FAM135B: variants seen among roughly 807,000 people sequenced by gnomAD.
The protein encoded by FAM135B is protein FAM135B.
FAM135B carries 43 observed loss-of-function variants against 127.7 expected under a neutral mutation model. That is an observed-to-expected ratio of 0.34 (90% CI 0.26 to 0.43). The LOEUF is 0.43. Among genes scored for constraint, FAM135B ranks in the 20% least tolerant of loss-of-function variants. The pLI is 1.00. For synonymous variants in FAM135B, 670 were observed against 665.1 expected (o/e 1.01, Z -0.11); for missense variants, 1,558 against 1,725.6 (o/e 0.90, Z 1.72).
At chr8:138,406,795 C>A (rs960247940) in intron 1 of FAM135B, among the ~76,000 whole-genome samples, 1 of 150,112 alleles carries the variant, frequency 6.7e-6, no homozygotes, top group Admixed American at 6.6e-5. Context: ...AAACTCACAG[C>A]CAAAATCATA....
At chr8:138,460,239 T>C (rs1298438617) in intron 1 of FAM135B, among the ~76,000 whole-genome samples, 1 of 152,180 alleles carries the variant, frequency 6.6e-6, no homozygotes, top group East Asian at 1.9e-4. Context: ...AGGGACATAA[T>C]TTGCTTAGAG....
chr8:138,411,953 T>G (rs1232468066), intron 1 of FAM135B, among the ~76,000 whole-genome samples: 2 of 152,144 alleles, frequency 1.3e-5, no homozygotes, highest in Non-Finnish European at 2.9e-5. Flanking sequence ...CTAAGCAAAT[T>G]AATGCAGGAA....
chr8:138,416,166 T>C (rs534829275), intron 1 of FAM135B, among the ~76,000 whole-genome samples: 1 of 152,238 alleles, frequency 6.6e-6, no homozygotes, highest in Non-Finnish European at 1.5e-5. Flanking sequence ...ACAAAATAAA[T>C]CTTAATTCTC....
chr8:138,261,965 T>C (rs1448577996), intron 4 of FAM135B, among the ~76,000 whole-genome samples: 11 of 152,202 alleles, frequency 7.2e-5, no homozygotes, highest in Admixed American at 2.0e-4. Flanking sequence ...ATATACAGTG[T>C]TTACAGACAT....
chr8:138,203,817 T>C (rs146754475), intron 7 of FAM135B, among the ~76,000 whole-genome samples: 24 of 152,302 alleles, frequency 1.6e-4, no homozygotes, highest in African/African-American at 5.8e-4. Flanking sequence ...GTAGAGTCAG[T>C]GATAGCCCTG....
At chr8:138,340,164 T>C (rs770611546) in intron 2 of FAM135B, among the ~76,000 whole-genome samples, 19 of 152,276 alleles carry the variant, frequency 1.2e-4, no homozygotes, top group Non-Finnish European at 2.5e-4. Flanking sequence ...AAAACTCACA[T>C]CCAGAACATC....
At chr8:138,295,718 A>G (rs10109439) in intron 3 of FAM135B, among the ~76,000 whole-genome samples, 133,185 of 152,114 alleles carry the variant, frequency 0.88, 59,189 homozygotes, top group Non-Finnish European at 0.96. Context: ...CCAATCTGTG[A>G]TCTGCACAAA....
At chr8:138,422,439 C>T (rs1159264232) in intron 1 of FAM135B, among the ~76,000 whole-genome samples, 1 of 151,958 alleles carries the variant, frequency 6.6e-6, no homozygotes, top group Non-Finnish European at 1.5e-5. Flanking sequence ...CAAATAACCC[C>T]ATTTTTAAAA....
At chr8:138,288,265 G>A (rs1002024682) in intron 3 of FAM135B, among the ~76,000 whole-genome samples, 6 of 152,282 alleles carry the variant, frequency 3.9e-5, no homozygotes, top group Admixed American at 3.9e-4. Flanking sequence ...CAAATTACCA[G>A]ACTAGGAAGT....
chr8:138,351,317 T>C (rs1462025078), intron 2 of FAM135B, among the ~76,000 whole-genome samples: 1 of 152,134 alleles, frequency 6.6e-6, no homozygotes, highest in East Asian at 1.9e-4. Context: ...CCTGATCCAA[T>C]CTGACTGGTG....
chr8:138,348,954 G>C (rs1371409036), intron 2 of FAM135B, among the ~76,000 whole-genome samples: 1 of 152,254 alleles, frequency 6.6e-6, no homozygotes, highest in Non-Finnish European at 1.5e-5. Context: ...CTGGAGCAGA[G>C]AGTTGTGGCC....
chr8:138,146,189 C>T, intron 14 of FAM135B, 139 bp from the exon 15 acceptor site: 1 of 584,762 alleles, frequency 1.7e-6, no homozygotes. Context: ...ATAATATAAA[C>T]AACTAAAACA....
intron 17 of FAM135B, among the ~76,000 whole-genome samples, chr8:138,140,764 C>T (rs758100926): frequency 6.6e-6 from 1 of 152,096 alleles, no homozygotes; most frequent in Non-Finnish European, 1.5e-5. Flanking sequence ...CAGATACACA[C>T]ACACATAACC....
At chr8:138,452,273 A>G (rs560052260) in intron 1 of FAM135B, among the ~76,000 whole-genome samples, 2 of 151,588 alleles carry the variant, frequency 1.3e-5, no homozygotes, top group Admixed American at 6.6e-5. Context: ...GAGATGTTCC[A>G]CCACACCTGG....
chr8:138,150,752 A>G (rs751005690), intron 13 of FAM135B, among the ~76,000 whole-genome samples: 55 of 152,180 alleles, frequency 3.6e-4, no homozygotes, highest in Non-Finnish European at 6.6e-4. Flanking sequence ...TTAATAAGTC[A>G]TGGTATATTC....
chr8:138,159,994 A>G (rs1819198871), intron 12 of FAM135B, among the ~76,000 whole-genome samples: 1 of 152,210 alleles, frequency 6.6e-6, no homozygotes, highest in Admixed American at 6.5e-5. Context: ...ACATTCAGTC[A>G]AGTAATACTA....
chr8:138,313,106 G>A (rs1350277613), intron 2 of FAM135B, among the ~76,000 whole-genome samples: 1 of 152,036 alleles, frequency 6.6e-6, no homozygotes. Context: ...AAAACTATTA[G>A]GAAACAGAGA....
intron 2 of FAM135B, among the ~76,000 whole-genome samples, chr8:138,363,543 T>C (rs1182372497): frequency 6.6e-6 from 1 of 152,176 alleles, no homozygotes; most frequent in African/African-American, 2.4e-5. Flanking sequence ...TGATTCTTGA[T>C]GACTGGTTTG....
chr8:138,289,963 C>A (rs765331609), intron 3 of FAM135B, among the ~76,000 whole-genome samples: 1 of 152,164 alleles, frequency 6.6e-6, no homozygotes, highest in Non-Finnish European at 1.5e-5. Context: ...GAGAACATCA[C>A]AAACAGGAAA....
Sources: gnomAD v4.1 joint callset for allele counts (sites outside exome capture counted in the v4.1 genomes callset) on GRCh38, gnomAD v4.1.1 for gene constraint, MANE v1.5 for transcripts, NCBI Gene and HGNC (gene_info 2026-07-23, HGNC 2026-07-21) for gene names.